CECR2: variants seen among roughly 807,000 people sequenced by gnomAD.
CECR2 encodes the protein chromatin remodeling regulator CECR2.
CECR2 carries 30 observed loss-of-function variants against 154.5 expected under a neutral mutation model. The observed-to-expected ratio is 0.19, with a 90% CI of 0.15 to 0.26. CECR2 has a LOEUF of 0.26. CECR2 is among the 10% of genes least tolerant of loss of function. The probability of loss-of-function intolerance (pLI) is 1.00; values close to 1 mark genes in which losing one functional copy is unlikely to be tolerated. For synonymous variants in CECR2, 725 were observed against 683.7 expected, an observed-to-expected ratio of 1.06 and a Z score of -0.94; for missense variants, 1,743 against 1,829.3, an observed-to-expected ratio of 0.95 and a Z score of 0.86.
intron 1 of CECR2, among the ~76,000 whole-genome samples, chr22:17,395,665 C>T (rs1004793646): frequency 1.3e-5 from 2 of 152,058 alleles, no homozygotes; most frequent in African/African-American, 2.4e-5. Context: ...CTCTTAAATA[C>T]TTAAGCACGC....
chr22:17,456,798 TAGA>T, intron 1 of CECR2, among the ~76,000 whole-genome samples: 1 of 152,218 alleles, frequency 6.6e-6, no homozygotes, highest in Admixed American at 6.5e-5. Context: ...ATTCAGATCT[TAGA>T]ATAAACAGGT....
At position 17,511,025 on chromosome 22, in the gene CECR2, A is replaced by C. The variant is rs527282532; in HGVS notation, c.871-788A>C. 5.9e-5 allele frequency among the ~76,000 whole-genome samples: 9 copies of C among 152,156 alleles called. No individual in the cohort carries two copies. In the East Asian group the frequency reaches 1.4e-3, roughly 23 times the overall value. On this transcript the variant is annotated intron_variant, in intron 7 of 18. Coordinates refer to ENST00000262608, the MANE Select transcript of CECR2 (RefSeq NM_001290047.2). ...TTTTCTATCCTATAATTCCTTACCT[A>C]ATGGATTAAGTGGTGCCAGAACTGA...
intron 8 of CECR2, among the ~76,000 whole-genome samples, chr22:17,521,213 G>T (rs2056151760): frequency 6.6e-6 from 1 of 152,104 alleles, no homozygotes; most frequent in Non-Finnish European, 1.5e-5. Context: ...ATTTTTTCAT[G>T]TGTCTTTTGG....
intron 9 of CECR2, among the ~76,000 whole-genome samples, chr22:17,531,378 A>G (rs2056353066): frequency 6.6e-6 from 1 of 152,206 alleles, no homozygotes; most frequent in South Asian, 2.1e-4. Flanking sequence ...CGGCATCAGC[A>G]AGCAAATGGA....
intron 4 of CECR2, among the ~76,000 whole-genome samples, chr22:17,500,426 C>A (rs905036749): frequency 2.6e-5 from 4 of 152,134 alleles, no homozygotes; most frequent in African/African-American, 4.8e-5. Context: ...TTAGTTAGAT[C>A]TTAAGCACAT....
intron 5 of CECR2, among the ~76,000 whole-genome samples, chr22:17,501,227 C>G (rs1470588032): frequency 6.6e-6 from 1 of 152,150 alleles, no homozygotes; most frequent in Non-Finnish European, 1.5e-5. Context: ...TAACTCAGGA[C>G]AAGTGGCTTC....
intron 1 of CECR2, among the ~76,000 whole-genome samples, chr22:17,395,902 T>G (rs1463581518): frequency 6.6e-6 from 1 of 152,098 alleles, no homozygotes; most frequent in African/African-American, 2.4e-5. Context: ...GAATATTCTT[T>G]CTCATTCCTG....
At chr22:17,477,018 C>T in intron 1 of CECR2, 1 of 680,212 alleles carries the variant, frequency 1.5e-6, no homozygotes, top group Non-Finnish European at 2.7e-6. Flanking sequence ...GTAAGATTAG[C>T]CTTGGATCTC....
At chr22:17,533,459 G>C (rs1048444310) in intron 9 of CECR2, among the ~76,000 whole-genome samples, 3 of 151,554 alleles carry the variant, frequency 2.0e-5, no homozygotes, top group Admixed American at 2.0e-4. Context: ...ATGAAACCCC[G>C]TCTCTACTAA....
chr22:17,506,116 G>A (rs2055840131), intron 7 of CECR2, among the ~76,000 whole-genome samples: 1 of 152,004 alleles, frequency 6.6e-6, no homozygotes, highest in South Asian at 2.1e-4. Context: ...CAAAGTGCTG[G>A]GATTATAGGC....
intron 1 of CECR2, among the ~76,000 whole-genome samples, chr22:17,398,133 G>T (rs1300457071): frequency 6.6e-6 from 1 of 151,380 alleles, no homozygotes; most frequent in Non-Finnish European, 1.5e-5. Flanking sequence ...TACAGTTGAG[G>T]AATACATTGA....
At chr22:17,423,810 T>C (rs73876426) in intron 1 of CECR2, among the ~76,000 whole-genome samples, 10,243 of 152,202 alleles carry the variant, frequency 0.067, 936 homozygotes, top group East Asian at 0.36. Flanking sequence ...GTGATTTGCC[T>C]TGTGACGTCA....
In CECR2 at chr22:17,364,342, C is replaced by CAAA. The variant is rs59134897; in HGVS notation, c.-364+4337_-364+4339dup. Among the ~76,000 whole-genome samples the CAAA allele has an allele frequency of 8.3e-4, 44 of 52,910 alleles. 3 individuals are homozygous for CAAA. Among genetic ancestry groups the CAAA allele is most frequent in the East Asian group, 3.4e-3 (6 of 1,778 alleles). The allele number at this position is 52,910 out of a possible 152,430, so 34.7% of individuals were successfully genotyped here. ...TGGACGACAGAGCAAGACTCTGTCTCAAAAAAAAAAAAAAAAAAAAGAATT... is the reference window on the plus strand; with the variant it reads ...TGGACGACAGAGCAAGACTCTGTCTCAAAAAAAAAAAAAAAAAAAAAAAGAATT... On this transcript the variant is annotated intron_variant, in intron 1 of 18. Coordinates refer to the CECR2 transcript ENST00000400585.
chr22:17,377,451 C>T (rs1297176873), intron 1 of CECR2, among the ~76,000 whole-genome samples: 1 of 149,984 alleles, frequency 6.7e-6, no homozygotes, highest in Non-Finnish European at 1.5e-5. Context: ...TTTTTAAAGA[C>T]AGTATCTCAC....
intron 1 of CECR2, among the ~76,000 whole-genome samples, chr22:17,372,501 A>G (rs2063072676): frequency 6.6e-6 from 1 of 152,110 alleles, no homozygotes. Flanking sequence ...CCCCGTTTCT[A>G]CTAAAAATAT....
At position 17,526,134 on chromosome 22, in the gene CECR2, T is replaced by A. The variant is rs185149658; in HGVS notation, c.1108+1863T>A. ...GTCTACCAGAATACCAATGACATTC[T>A]TCACAAAAATAGAAAAAAAAATCCT... On this transcript the variant is annotated intron_variant, in intron 9 of 18. Transcript: ENST00000262608. 2.6e-5 allele frequency among the ~76,000 whole-genome samples: 4 copies of A among 151,902 alleles called. No individual in the cohort carries two copies. In the East Asian group the frequency reaches 7.7e-4, roughly 29 times the overall value.
chr22:17,506,714 C>T (rs560578448), intron 7 of CECR2, among the ~76,000 whole-genome samples: 63 of 152,208 alleles, frequency 4.1e-4, no homozygotes, highest in Non-Finnish European at 8.2e-4. Context: ...AGTGCAGTGG[C>T]ACAATCTTGG....
At chr22:17,370,201 C>T (rs1472906092) in intron 1 of CECR2, among the ~76,000 whole-genome samples, 2 of 150,374 alleles carry the variant, frequency 1.3e-5, no homozygotes, top group African/African-American at 4.9e-5. Context: ...GAGCGGGACC[C>T]GGCGACCCTC....
chr22:17,389,271 T>C (rs1035334034), intron 1 of CECR2, among the ~76,000 whole-genome samples: 1 of 152,328 alleles, frequency 6.6e-6, no homozygotes, highest in African/African-American at 2.4e-5. Flanking sequence ...GCTATCTTCA[T>C]AGTTACTTTT....
Sources: allele counts gnomAD v4.1 joint callset (sites outside exome capture counted in the v4.1 genomes callset), GRCh38; gene constraint gnomAD v4.1.1; transcripts MANE v1.5; gene names NCBI Gene and HGNC (gene_info 2026-07-23, HGNC 2026-07-21).